The following FABP6 variants were observed in gnomAD, a reference collection of about 807,000 sequenced individuals.
FABP6 encodes the protein fatty acid binding protein 6.
In FABP6, 13 loss-of-function variants were observed where a neutral mutation model predicts 14.9. The observed-to-expected ratio is 0.87, with a 90% CI of 0.57 to 1.39. FABP6 has a LOEUF of 1.39. FABP6 is among the 40% of genes most tolerant of loss of function. FABP6 has a pLI of 0.00. For missense variants in FABP6, 161 were observed against 167.2 expected (o/e 0.96, Z 0.20); for synonymous variants, 75 against 63.6 (o/e 1.18, Z -0.85).
chr5:160,221,088 CAAA>C (rs397884568), intron 3 of FABP6, among the ~76,000 whole-genome samples: 9 of 72,746 alleles, frequency 1.2e-4, no homozygotes, highest in Admixed American at 1.7e-4. Flanking sequence ...GACTTTCTCT[CAAA>C]AAAAAAAAAA....
chr5:160,235,985 A>T (rs1469124889), intron 3 of FABP6, among the ~76,000 whole-genome samples: 5 of 149,846 alleles, frequency 3.3e-5, no homozygotes, highest in Non-Finnish European at 7.4e-5. Flanking sequence ...GTTTCTTCAC[A>T]TGGCAGGGAG....
At chr5:160,210,665 AG>A (rs1759868460) in intron 2 of FABP6, among the ~76,000 whole-genome samples, 1 of 152,222 alleles carries the variant, frequency 6.6e-6, no homozygotes, top group African/African-American at 2.4e-5. Flanking sequence ...GAGAAAACAC[AG>A]GAGCAGCCAC....
upstream of FABP6, among the ~76,000 whole-genome samples, chr5:160,225,083 C>A (rs1199273537): frequency 7.3e-6 from 1 of 136,676 alleles, no homozygotes; most frequent in South Asian, 2.5e-4. Flanking sequence ...TCTGGTCAAA[C>A]CTGATAGCAG....
At chr5:160,218,244 G>A (rs941217963) in intron 3 of FABP6, among the ~76,000 whole-genome samples, 1 of 151,970 alleles carries the variant, frequency 6.6e-6, no homozygotes, top group African/African-American at 2.4e-5. Flanking sequence ...CTTAACATTA[G>A]TAACATCCCC....
At chr5:160,220,565 C>A (rs1172760246) in intron 3 of FABP6, among the ~76,000 whole-genome samples, 1 of 151,372 alleles carries the variant, frequency 6.6e-6, no homozygotes, top group Non-Finnish European at 1.5e-5. Context: ...CCACTGCACT[C>A]CACCCTGGGT....
chr5:160,214,932 C>G (rs1395620460), intron 3 of FABP6, among the ~76,000 whole-genome samples: 1 of 152,180 alleles, frequency 6.6e-6, no homozygotes, highest in East Asian at 1.9e-4. Context: ...GGCTGCCCTG[C>G]AGAACTTCCC....
intron 2 of FABP6, among the ~76,000 whole-genome samples, chr5:160,205,788 G>A (rs555701179): frequency 9.2e-5 from 14 of 152,260 alleles, no homozygotes; most frequent in East Asian, 7.7e-4. Context: ...CAGCCATTTC[G>A]TGACCTTGAG....
At chr5:160,237,662 C>T (rs926718204) in intron 3 of FABP6, among the ~76,000 whole-genome samples, 2 of 152,086 alleles carry the variant, frequency 1.3e-5, no homozygotes, top group African/African-American at 2.4e-5. Flanking sequence ...AATCACACAT[C>T]ACCTCCCACT....
rs1413612422 is a variant in FABP6, at chr5:160,199,246, T to G, written c.51+89T>G. On this transcript the variant is annotated intron_variant, in intron 2 of 6. Coordinates refer to the FABP6 transcript ENST00000393980. ...GGGGAGAACACCTTGGGTGGGGGAC[T>G]TGCTCGCCTTTCTCTGTGATGCTAA... 4.5e-6 allele frequency: 6 copies of G among 1,336,880 alleles called. No individual in the cohort carries two copies. In the Admixed American group the frequency reaches 5.2e-5, roughly 12 times the overall value. 82.8% of individuals were successfully genotyped at this position (1,336,880 alleles called of 1,614,324 possible). A position where few individuals can be genotyped will look rare whatever the true frequency, so the allele number is the denominator to read the frequency against.
chr5:160,200,949 AGTT>A (rs1759625246), intron 2 of FABP6, among the ~76,000 whole-genome samples: 2 of 152,214 alleles, frequency 1.3e-5, no homozygotes, highest in East Asian at 3.8e-4. Flanking sequence ...CCTCTGACCC[AGTT>A]GTTCTACTTC....
chr5:160,190,457 C>T (rs1386372394), intron 1 of FABP6, among the ~76,000 whole-genome samples: 1 of 152,162 alleles, frequency 6.6e-6, no homozygotes, highest in Non-Finnish European at 1.5e-5. Flanking sequence ...GTCTCGAACT[C>T]CCGACCTCAG....
chr5:160,194,692 T>A (rs375881225), intron 1 of FABP6, among the ~76,000 whole-genome samples: 1 of 152,186 alleles, frequency 6.6e-6, no homozygotes. Flanking sequence ...TTCATTCTTT[T>A]GATTCCAGTG....
chr5:160,192,179 A>G (rs1471697606), intron 1 of FABP6, among the ~76,000 whole-genome samples: 2 of 151,316 alleles, frequency 1.3e-5, no homozygotes, highest in African/African-American at 4.9e-5. Context: ...GGCAATCCCC[A>G]CTGGTCCTCT....
chr5:160,223,332 C>CCCGCCCTTCCTTCCTTCCTTCCTTCCTT (rs1760168275), intron 3 of FABP6, among the ~76,000 whole-genome samples: 1 of 93,370 alleles, frequency 1.1e-5, no homozygotes, highest in Non-Finnish European at 2.0e-5. Context: ...TTTTTGCCCG[C>CCCGCCCTTCCTTCCTTCCTTCCTTCCTT]CCTTCCTTCC....
intron 3 of FABP6, among the ~76,000 whole-genome samples, chr5:160,237,762 C>G (rs1760548465): frequency 1.3e-5 from 2 of 152,208 alleles, no homozygotes; most frequent in African/African-American, 4.8e-5. Flanking sequence ...TCTCCCCAGC[C>G]CCTCTGGACC....
In FABP6 at chr5:160,212,435, T is replaced by C. The variant is rs111914340; in HGVS notation, c.52-1301T>C. Among the ~76,000 whole-genome samples the C allele has an allele frequency of 4.4e-3, 675 of 152,180 alleles. 6 individuals carry two copies. Among genetic ancestry groups the C allele is most frequent in the Non-Finnish European group, 4.3e-3 (290 of 68,002 alleles). On this transcript the variant is annotated intron_variant, in intron 2 of 6. Transcript: ENST00000393980. ...TCCCAAAGTGCTGGGATTTCAGGCA[T>C]GAGCTTCTGCGTCTGGCCCTACAAC...
intron 2 of FABP6, among the ~76,000 whole-genome samples, chr5:160,210,412 CT>C (rs1759862280): frequency 6.6e-6 from 1 of 152,196 alleles, no homozygotes; most frequent in Non-Finnish European, 1.5e-5. Flanking sequence ...ACCTTTCAAC[CT>C]GGAACAGCAC....
chr5:160,221,297 G>T (rs113149496), intron 3 of FABP6, among the ~76,000 whole-genome samples: 1,662 of 152,094 alleles, frequency 0.011, 29 homozygotes, highest in African/African-American at 0.038. Context: ...AGGCTCTGGG[G>T]ATTTTTGCAA....
At chr5:160,208,075 A>C (rs751492557) in intron 2 of FABP6, among the ~76,000 whole-genome samples, 1 of 152,058 alleles carries the variant, frequency 6.6e-6, no homozygotes, top group Non-Finnish European at 1.5e-5. Flanking sequence ...TTATGTAAAA[A>C]ATTTCTGAAT....
Sources: allele counts gnomAD v4.1 joint callset (sites outside exome capture counted in the v4.1 genomes callset), GRCh38; gene constraint gnomAD v4.1.1; transcripts MANE v1.5; gene names NCBI Gene and HGNC (gene_info 2026-07-23, HGNC 2026-07-21).